Variants in GNA14 observed in about 807,000 individuals in gnomAD.
GNA14 encodes the protein guanine nucleotide-binding protein subunit alpha-14.
A neutral mutation model predicts 42.0 loss-of-function variants in GNA14; 50 were observed. The observed-to-expected ratio is 1.19, with a 90% CI of 0.95 to 1.51. The LOEUF (loss-of-function observed/expected upper bound fraction) is 1.51, where lower values mean the gene tolerates loss of function less well. Ranked by LOEUF, GNA14 falls within the 40% of genes most tolerant of loss-of-function variation. The pLI is 0.00. For synonymous variants in GNA14, 173 were observed against 163.1 expected (o/e 1.06, Z -0.46); for missense variants, 473 against 446.2 (o/e 1.06, Z -0.54).
rs532269072 is a variant in GNA14 at position 77,601,600 on chromosome 9, C to G, written c.124+46070G>C. Among the ~76,000 whole-genome samples the G allele has an allele frequency of 5.9e-5, 9 of 152,270 alleles. No individual in the cohort carries two copies. In the East Asian group the frequency reaches 1.7e-3, roughly 29 times the overall value. ...GCAGGAGTAGGTAGCTCTCCTGAAA[C>G]AGGAAATGGAATGAAAATCAAGTGA... On this transcript the variant is annotated intron_variant, in intron 1 of 6. Transcript: ENST00000341700.
chr9:77,634,090 A>G (rs1275719792), intron 1 of GNA14, among the ~76,000 whole-genome samples: 1 of 152,194 alleles, frequency 6.6e-6, no homozygotes, highest in African/African-American at 2.4e-5. Flanking sequence ...GTTACATATC[A>G]AAATCTTACC....
chr9:77,432,561 A>G (rs1331460205), intron 3 of GNA14, among the ~76,000 whole-genome samples: 5 of 152,176 alleles, frequency 3.3e-5, no homozygotes, highest in Non-Finnish European at 7.3e-5. Flanking sequence ...CAATCAGCAG[A>G]CATCTCTAGC....
At chr9:77,535,061 C>A (rs1436348510) in intron 1 of GNA14, among the ~76,000 whole-genome samples, 2 of 152,296 alleles carry the variant, frequency 1.3e-5, no homozygotes, top group East Asian at 3.9e-4. Context: ...AAGAAAATTC[C>A]TTTTGTAATC....
intron 2 of GNA14, among the ~76,000 whole-genome samples, chr9:77,484,702 C>CTAT: frequency 1.3e-5 from 2 of 152,142 alleles, no homozygotes; most frequent in East Asian, 3.9e-4. Context: ...GTACCAAGCC[C>CTAT]TATATATACT....
intron 2 of GNA14, among the ~76,000 whole-genome samples, chr9:77,452,038 C>T (rs936166665): frequency 6.6e-5 from 10 of 152,130 alleles, no homozygotes; most frequent in African/African-American, 7.2e-5. Context: ...GGTCTCACAC[C>T]GCATCCCAGG....
chr9:77,515,970 A>AAAAAAAAAAAAAC lies in GNA14; in HGVS notation c.309+13098_309+13099insGTTTTTTTTTTTT, dbSNP rs1340929257. On this transcript the variant is annotated intron_variant, in intron 2 of 6. Transcript: ENST00000341700. ...CAAGACCCTGTCTCACAAAAAAAAAAAAAAAAAAAAAAACCCAGAGCAGGA... is the reference window on the plus strand; with the variant it reads ...CAAGACCCTGTCTCACAAAAAAAAAAAAAAAAAAAAAACAAAAAAAAAAAAACCCAGAGCAGGA... 2.7e-5 allele frequency among the ~76,000 whole-genome samples: 4 copies of AAAAAAAAAAAAAC among 148,216 alleles called. No homozygotes were observed. In the East Asian group the frequency reaches 8.0e-4, roughly 30 times the overall value.
At chr9:77,473,576 A>G (rs74423259) in intron 2 of GNA14, among the ~76,000 whole-genome samples, 6,665 of 151,802 alleles carry the variant, frequency 0.044, 399 homozygotes, top group African/African-American at 0.13. Context: ...CCTGATCTAC[A>G]TATTCAATAC....
chr9:77,493,535 A>G (rs1159754554), intron 2 of GNA14, among the ~76,000 whole-genome samples: 1 of 152,220 alleles, frequency 6.6e-6, no homozygotes, highest in African/African-American at 2.4e-5. Context: ...GTTTATGAAC[A>G]GGACTGTGGA....
chr9:77,576,450 G>C (rs1018031197), intron 1 of GNA14, among the ~76,000 whole-genome samples: 2 of 152,090 alleles, frequency 1.3e-5, no homozygotes, highest in Non-Finnish European at 2.9e-5. Context: ...AAGATAGAGT[G>C]ACTTTTTTGA....
intron 2 of GNA14, among the ~76,000 whole-genome samples, chr9:77,481,612 T>A (rs1382464818): frequency 6.6e-6 from 1 of 152,176 alleles, no homozygotes; most frequent in African/African-American, 2.4e-5. Flanking sequence ...CTTGTTAACT[T>A]TCTGTCTCAT....
chr9:77,609,560 T>C (rs1422273124), intron 1 of GNA14, among the ~76,000 whole-genome samples: 1 of 152,122 alleles, frequency 6.6e-6, no homozygotes, highest in African/African-American at 2.4e-5. Flanking sequence ...GGTACCAAAG[T>C]AAAATACTCC....
chr9:77,426,958 C>T (rs1176398578), intron 5 of GNA14, among the ~76,000 whole-genome samples: 2 of 152,114 alleles, frequency 1.3e-5, no homozygotes, highest in African/African-American at 4.8e-5. Context: ...TTTGTTCTGC[C>T]ACTCAGTACG....
intron 1 of GNA14, among the ~76,000 whole-genome samples, chr9:77,619,872 G>C (rs1035209849): frequency 6.6e-6 from 1 of 152,072 alleles, no homozygotes; most frequent in African/African-American, 2.4e-5. Context: ...TCTGCAATTA[G>C]AAGTACCAGT....
At chr9:77,440,009 T>C (rs999742603) in intron 2 of GNA14, among the ~76,000 whole-genome samples, 7 of 152,140 alleles carry the variant, frequency 4.6e-5, no homozygotes, top group Admixed American at 1.3e-4. Flanking sequence ...ACATCATGAG[T>C]TGAAATTGCC....
chr9:77,605,164 T>C lies in GNA14; in HGVS notation c.124+42506A>G, dbSNP rs1489958373. ...TAAATCTATAAATCCAGCTGAGCTA[T>C]GGTGAATGAGGGAAGCAGTGCTTCT... On this transcript the variant is annotated intron_variant, in intron 1 of 6. Coordinates refer to ENST00000341700, the MANE Select transcript of GNA14 (RefSeq NM_004297.4). Among the ~76,000 whole-genome samples, 3 of 152,232 alleles carry C rather than the reference T, an allele frequency of 2.0e-5. No homozygotes were observed. The East Asian group carries it at 5.8e-4, about 29-fold the overall frequency.
intron 1 of GNA14, among the ~76,000 whole-genome samples, chr9:77,596,040 C>T (rs1353058570): frequency 1.3e-5 from 2 of 152,006 alleles, no homozygotes; most frequent in East Asian, 3.9e-4. Flanking sequence ...CTAGAGTTCA[C>T]AAATGCATTT....
chr9:77,561,541 C>T (rs946879800), intron 1 of GNA14, among the ~76,000 whole-genome samples: 8 of 152,248 alleles, frequency 5.3e-5, no homozygotes, highest in African/African-American at 1.4e-4. Flanking sequence ...GAAGGAAATG[C>T]TCACAGATGC....
At chr9:77,462,390 C>A (rs573440996) in intron 2 of GNA14, among the ~76,000 whole-genome samples, 2 of 152,274 alleles carry the variant, frequency 1.3e-5, no homozygotes, top group East Asian at 3.9e-4. Flanking sequence ...TCCCCCTTTC[C>A]TGGTCCTTTC....
chr9:77,426,040 A>G (rs1371042504), intron 5 of GNA14, among the ~76,000 whole-genome samples: 2 of 152,200 alleles, frequency 1.3e-5, no homozygotes, highest in Admixed American at 1.3e-4. Context: ...ACGTTTCACA[A>G]GTTTCCTGTG....
Sources: allele counts gnomAD v4.1 joint callset (sites outside exome capture counted in the v4.1 genomes callset), GRCh38; gene constraint gnomAD v4.1.1; transcripts MANE v1.5; gene names NCBI Gene and HGNC (gene_info 2026-07-23, HGNC 2026-07-21).